Variants in CREB1 observed in about 807,000 individuals in gnomAD.
CREB1 encodes cyclic AMP-responsive element-binding protein 1.
Under a neutral mutation model 42.0 loss-of-function variants are expected in CREB1, and 2 were observed. That is an observed-to-expected ratio of 0.05 (90% CI 0.02 to 0.15). The LOEUF is 0.15. Among genes scored for constraint, CREB1 ranks in the 10% least tolerant of loss-of-function variants. The pLI is 1.00. For missense variants in CREB1, 199 were observed against 388.9 expected, an observed-to-expected ratio of 0.51 and a Z score of 4.11; for synonymous variants, 123 against 139.9, an observed-to-expected ratio of 0.88 and a Z score of 0.85.
At chr2:207,540,662 T>C (rs1453823749) in intron 1 of CREB1, among the ~76,000 whole-genome samples, 1 of 47,012 alleles carries the variant, frequency 2.1e-5, no homozygotes, top group African/African-American at 1.0e-4. Context: ...CAAAAAAGTT[T>C]AAAAAGTAAA....
At chr2:207,572,697 T>A (rs2082417272) in intron 5 of CREB1, among the ~76,000 whole-genome samples, 1 of 151,902 alleles carries the variant, frequency 6.6e-6, no homozygotes, top group Non-Finnish European at 1.5e-5. Flanking sequence ...GCACCTGTAG[T>A]CCCAGCTACT....
chr2:207,605,705 C>A lies in CREB1; in HGVS notation c.*8647C>A, dbSNP rs185635288. ...ATAAACTGCTGCCATTGTACAGATACAGTTTAACCAGTCCTCTTCTGGGGA... is the reference window on the plus strand; with the variant it reads ...ATAAACTGCTGCCATTGTACAGATAAAGTTTAACCAGTCCTCTTCTGGGGA... On this transcript the variant is annotated 3_prime_UTR_variant, in exon 8 of 8. Coordinates refer to ENST00000353267, the MANE Select transcript of CREB1 (RefSeq NM_004379.5). Among the ~76,000 whole-genome samples, 1 of 152,140 alleles carries A rather than the reference C, an allele frequency of 6.6e-6. No individual in the cohort carries two copies. The highest frequency in any genetic ancestry group is 1.5e-5 in the Non-Finnish European group (1 of 68,038).
chr2:207,544,648 T>C (rs1290848943), intron 1 of CREB1, among the ~76,000 whole-genome samples: 7 of 152,180 alleles, frequency 4.6e-5, no homozygotes, highest in Non-Finnish European at 1.0e-4. Flanking sequence ...GCTGCACACA[T>C]CATCCCATCA....
intron 3 of CREB1, chr2:207,561,063 G>T (rs372132141): frequency 6.1e-5 from 91 of 1,500,946 alleles, no homozygotes; most frequent in Non-Finnish European, 8.3e-5. Context: ...AGACTTGAAC[G>T]TTCATTCAAG....
At chr2:207,582,916 A>ATATAT (rs200152562) in intron 7 of CREB1, 2 of 232,450 alleles carry the variant, frequency 8.6e-6, no homozygotes, top group Non-Finnish European at 8.7e-6. Flanking sequence ...CAAACAAAAA[A>ATATAT]AAATATATAT....
At chr2:207,590,470 T>C (rs998594745) in intron 7 of CREB1, among the ~76,000 whole-genome samples, 3 of 152,094 alleles carry the variant, frequency 2.0e-5, no homozygotes, top group Non-Finnish European at 2.9e-5. Flanking sequence ...CTCTGATCTT[T>C]GTTATTTTCT....
chr2:207,567,835 T>C (rs914412862), intron 4 of CREB1: 2 of 234,004 alleles, frequency 8.5e-6, no homozygotes, highest in Non-Finnish European at 1.7e-5. Flanking sequence ...GGAATACAGT[T>C]GATAAGGTTA....
At chr2:207,582,305 A>G in intron 7 of CREB1, 2 of 621,814 alleles carry the variant, frequency 3.2e-6, no homozygotes, top group Non-Finnish European at 5.7e-6. Flanking sequence ...AGAATTCATC[A>G]GTAAATCTTG....
At position 207,570,333 on chromosome 2, in the gene CREB1, A is replaced by G. The variant is rs773628752; in HGVS notation, c.505+12A>G. ...CAGTGGACAGTATAGTGAGTAATAG[A>G]CAATTTCTGTTTCTATTGTGAGGAG... On this transcript the variant is annotated intron_variant, in intron 5 of 7. Transcript: ENST00000353267. 1.3e-6 allele frequency: 2 copies of G among 1,580,758 alleles called. No homozygotes were observed. The highest frequency in any genetic ancestry group is 2.3e-5 in the East Asian group (1 of 44,174).
At chr2:207,594,957 T>G (rs532763745) in intron 7 of CREB1, among the ~76,000 whole-genome samples, 2 of 151,986 alleles carry the variant, frequency 1.3e-5, no homozygotes, top group Non-Finnish European at 2.9e-5. Flanking sequence ...TGGTTTTGAT[T>G]TGCATTTCCC....
chr2:207,565,530 A>G (rs868351273), intron 3 of CREB1, among the ~76,000 whole-genome samples: 3 of 151,144 alleles, frequency 2.0e-5, no homozygotes, highest in Middle Eastern at 6.8e-3. Context: ...CCAGAGTTAG[A>G]AAAAAAAAGG....
intron 6 of CREB1, chr2:207,576,916 GTTTA>G (rs1447922896): frequency 1.2e-5 from 11 of 893,082 alleles, no homozygotes; most frequent in South Asian, 5.2e-5. Flanking sequence ...TAAAACTTCA[GTTTA>G]TTTAGCCATT....
chr2:207,556,247 T>C (rs976179818), intron 2 of CREB1, among the ~76,000 whole-genome samples: 1 of 152,196 alleles, frequency 6.6e-6, no homozygotes, highest in Non-Finnish European at 1.5e-5. Context: ...TCTGATTCTT[T>C]CATTTCATCT....
At chr2:207,582,127 C>T in intron 7 of CREB1, 1 of 702,848 alleles carries the variant, frequency 1.4e-6, no homozygotes, top group Non-Finnish European at 2.6e-6. Flanking sequence ...TTGTCCAGCC[C>T]ATATTCAAGG....
chr2:207,562,406 T>G (rs2081988895), intron 3 of CREB1, among the ~76,000 whole-genome samples: 1 of 152,246 alleles, frequency 6.6e-6, no homozygotes, highest in Non-Finnish European at 1.5e-5. Context: ...GTATTCTTGA[T>G]TTTAATCTTT....
chr2:207,595,028 G>A (rs1216816318), intron 7 of CREB1, among the ~76,000 whole-genome samples: 3 of 140,614 alleles, frequency 2.1e-5, no homozygotes, highest in Non-Finnish European at 3.0e-5. Flanking sequence ...ATGGAGGCTC[G>A]CTCTGTTGCC....
Position 207,601,247 on chromosome 2 carries a change from T to C in CREB1, c.*4189T>C, listed in dbSNP as rs755262531. ...CATTCTGTCCTTTGTAAATGTTTGG[T>C]GTAACTTGCACTTTTTTAAATGACC... On this transcript the variant is annotated 3_prime_UTR_variant, in exon 8 of 8. Transcript: ENST00000353267. The C allele has an allele frequency of 1.6e-5, 3 of 185,686 alleles. No individual in the cohort carries two copies. Among genetic ancestry groups the C allele is most frequent in the Non-Finnish European group, 3.4e-5 (3 of 87,728 alleles). 11.5% of individuals were successfully genotyped at this position (185,686 alleles called of 1,614,324 possible). A position where few individuals can be genotyped will look rare whatever the true frequency, so the allele number is the denominator to read the frequency against.
chr2:207,568,621 A>G (rs578110484), intron 4 of CREB1, among the ~76,000 whole-genome samples: 1 of 152,294 alleles, frequency 6.6e-6, no homozygotes, highest in African/African-American at 2.4e-5. Flanking sequence ...GACTAAGCAC[A>G]TGATATATGA....
At chr2:207,580,826 G>A (rs1171389325) in intron 7 of CREB1, 1 of 221,868 alleles carries the variant, frequency 4.5e-6, no homozygotes, top group Non-Finnish European at 9.0e-6. Context: ...TCCTTCATGT[G>A]CCCATCTGGG....
Sources: gnomAD v4.1 joint callset for allele counts (sites outside exome capture counted in the v4.1 genomes callset) on GRCh38, gnomAD v4.1.1 for gene constraint, MANE v1.5 for transcripts, NCBI Gene and HGNC (gene_info 2026-07-23, HGNC 2026-07-21) for gene names.